The following ZNF486 variants were observed in gnomAD, a reference collection of about 807,000 sequenced individuals.
ZNF486 encodes KRAB box only protein 2.
Under a neutral mutation model 12.8 loss-of-function variants are expected in ZNF486, and 12 were observed. The observed-to-expected ratio is 0.94, with a 90% CI of 0.60 to 1.52. The LOEUF (loss-of-function observed/expected upper bound fraction) is 1.52. ZNF486 is among the 40% of genes most tolerant of loss of function. The probability of loss-of-function intolerance (pLI) is 0.00; values close to 1 mark genes in which losing one functional copy is unlikely to be tolerated. For missense variants in ZNF486, 738 were observed against 545.0 expected, an observed-to-expected ratio of 1.35 and a Z score of -3.53; for synonymous variants, 231 against 184.9, an observed-to-expected ratio of 1.25 and a Z score of -2.02.
At chr19:20,187,533 ACT>A (rs1206468238) in intron 3 of ZNF486, among the ~76,000 whole-genome samples, 11 of 123,926 alleles carry the variant, frequency 8.9e-5, no homozygotes, top group Admixed American at 5.9e-4. Context: ...AGAGAGTCTC[ACT>A]CTGTTGCCCA....
chr19:20,188,329 T>C (rs1555716786), intron 3 of ZNF486: 1 of 397,492 alleles, frequency 2.5e-6, no homozygotes, highest in African/African-American at 2.1e-5. Flanking sequence ...TTTCAGTTTT[T>C]CTTTAAAAAA....
chr19:20,198,114 TTTATTA>T lies in ZNF486; in HGVS notation c.*21_*26del, dbSNP rs782766040. On this transcript the variant is annotated 3_prime_UTR_variant, in exon 4 of 4. Transcript: ENST00000335117. ...AACCAAGAACGTGACAAAGGATTATTTTATTATTATTATTTTTTTGAGAGGTAATTC... is the reference window on the plus strand; with the variant it reads ...AACCAAGAACGTGACAAAGGATTATTTTATTATTTTTTTGAGAGGTAATTC... 2.6e-6 allele frequency: 4 copies of T among 1,526,562 alleles called. No individual in the cohort carries two copies. The highest frequency in any genetic ancestry group is 1.4e-5 in the African/African-American group (1 of 71,306). The allele number at this position is 1,526,562 out of a possible 1,614,324, so 94.6% of individuals were successfully genotyped here. A position where few individuals can be genotyped will look rare whatever the true frequency, so the allele number is the denominator to read the frequency against.
intron 3 of ZNF486, among the ~76,000 whole-genome samples, chr19:20,196,363 C>T (rs1464841895): frequency 6.6e-6 from 1 of 152,140 alleles, no homozygotes; most frequent in Non-Finnish European, 1.5e-5. Context: ...AAGTCTTGCT[C>T]TGTCGCCCAG....
chr19:20,194,161 C>G (rs2089934793), intron 3 of ZNF486, among the ~76,000 whole-genome samples: 4 of 152,042 alleles, frequency 2.6e-5, no homozygotes, highest in Admixed American at 2.6e-4. Flanking sequence ...ATGTGGATAT[C>G]TTTTCCAGAA....
At chr19:20,187,523 A>G (rs1455961759) in intron 3 of ZNF486, among the ~76,000 whole-genome samples, 7 of 84,224 alleles carry the variant, frequency 8.3e-5, no homozygotes, top group African/African-American at 2.5e-4. Flanking sequence ...TTTTTTTTTG[A>G]GAGAGTCTCA....
chr19:20,185,404 G>GTTT lies in ZNF486; in HGVS notation c.158-561_158-559dup, dbSNP rs782413355. Among the ~76,000 whole-genome samples the GTTT allele has an allele frequency of 6.6e-3, 462 of 69,632 alleles. 7 individuals carry two copies. Among genetic ancestry groups the GTTT allele is most frequent in the African/African-American group, 9.3e-3 (144 of 15,562 alleles). The allele number at this position is 69,632 out of a possible 152,430, so 45.7% of individuals were successfully genotyped here. ...AGAAAGGTTTTAAGGTATTGTTTAT[G>GTTT]TTTTTTTTTTTTTTTTTTTTTTTTG... On this transcript the variant is annotated intron_variant, in intron 2 of 3. Transcript: ENST00000335117.
intron 1 of ZNF486, among the ~76,000 whole-genome samples, chr19:20,178,912 T>TGA (rs1486877377): frequency 6.6e-6 from 1 of 152,212 alleles, no homozygotes; most frequent in Non-Finnish European, 1.5e-5. Flanking sequence ...TGAGTAGACA[T>TGA]GTTGACAAGA....
intron 3 of ZNF486, among the ~76,000 whole-genome samples, chr19:20,187,755 G>A (rs111745117): frequency 2.0e-5 from 3 of 151,756 alleles, no homozygotes; most frequent in African/African-American, 7.3e-5. Flanking sequence ...CATCCGCCTC[G>A]GCCTCCCAAA....
chr19:20,197,807 C>G lies in ZNF486; in HGVS notation c.1097C>G (p.Thr366Ser), dbSNP rs1389136141. The G allele has an allele frequency of 1.8e-5, 29 of 1,613,568 alleles. No homozygotes were observed. Among genetic ancestry groups the G allele is most frequent in the Non-Finnish European group, 2.4e-5 (28 of 1,179,924 alleles). ...GCCTTCACCCGCTCCTCACACCTTACTATGCATAAGATAATTCATACTGGA... is the reference window on the plus strand; with the variant it reads ...GCCTTCACCCGCTCCTCACACCTTAGTATGCATAAGATAATTCATACTGGA... The part of the protein sequence containing the change: ...GKAFTRSSHL[T>S]MHKIIHTGEK... Residue 366 changes from threonine (T) to serine (S), a missense_variant, in exon 4 of 4, where the codon ACT (threonine) becomes AGT (serine). Thr to Ser is a moderately conservative substitution (Grantham distance 58). Transcript: ENST00000335117.
At chr19:20,187,616 C>CT (rs1555716700) in intron 3 of ZNF486, among the ~76,000 whole-genome samples, 1 of 151,612 alleles carries the variant, frequency 6.6e-6, no homozygotes, top group East Asian at 1.9e-4. Context: ...ATTCTCCTGC[C>CT]TCAGCCTCCC....
chr19:20,178,214 C>T (rs1555715107), intron 1 of ZNF486, among the ~76,000 whole-genome samples: 1 of 151,790 alleles, frequency 6.6e-6, no homozygotes. Context: ...AGACATGAGC[C>T]ACCATGTCCA....
chr19:20,184,147 G>A (rs1219808798), intron 1 of ZNF486, among the ~76,000 whole-genome samples: 1 of 152,018 alleles, frequency 6.6e-6, no homozygotes, highest in African/African-American at 2.4e-5. Context: ...ATCATTATAT[G>A]AACTAATGTT....
intron 1 of ZNF486, among the ~76,000 whole-genome samples, chr19:20,184,098 TTCATGC>T (rs1198614028): frequency 6.6e-6 from 1 of 152,226 alleles, no homozygotes. Context: ...CATGTTCATG[TTCATGC>T]CCTTTATTTT....
At chr19:20,190,588 T>G (rs1555717046) in intron 3 of ZNF486, among the ~76,000 whole-genome samples, 1 of 152,194 alleles carries the variant, frequency 6.6e-6, no homozygotes, top group Non-Finnish European at 1.5e-5. Flanking sequence ...TCTCATTATG[T>G]TGTCCAGGCT....
chr19:20,192,429 C>T (rs1555717320), intron 3 of ZNF486, among the ~76,000 whole-genome samples: 1 of 152,108 alleles, frequency 6.6e-6, no homozygotes, highest in African/African-American at 2.4e-5. Context: ...TGTCAGCCTC[C>T]CAAGTAGCTG....
intron 1 of ZNF486, among the ~76,000 whole-genome samples, chr19:20,172,336 G>C (rs1159458897): frequency 1.3e-5 from 2 of 149,564 alleles, no homozygotes; most frequent in African/African-American, 2.5e-5. Flanking sequence ...AGAGAGTTTT[G>C]CTCTTGTTGC....
At chr19:20,183,664 T>G (rs2089810968) in intron 1 of ZNF486, among the ~76,000 whole-genome samples, 1 of 150,588 alleles carries the variant, frequency 6.6e-6, no homozygotes, top group Non-Finnish European at 1.5e-5. Context: ...CTGACAGATT[T>G]TTTTCACTAT....
chr19:20,168,932 CG>C (rs2089615037), intron 1 of ZNF486, among the ~76,000 whole-genome samples: 1 of 151,922 alleles, frequency 6.6e-6, no homozygotes, highest in Non-Finnish European at 1.5e-5. Context: ...CCTCCGCCTC[CG>C]GGGTTCAAGC....
intron 1 of ZNF486, among the ~76,000 whole-genome samples, chr19:20,179,946 ATT>A (rs1268932225): frequency 6.6e-6 from 1 of 152,208 alleles, no homozygotes; most frequent in African/African-American, 2.4e-5. Context: ...GGAGTAGAGT[ATT>A]TTTGTTTCTT....
Sources: allele counts gnomAD v4.1 joint callset (sites outside exome capture counted in the v4.1 genomes callset), GRCh38; gene constraint gnomAD v4.1.1; transcripts MANE v1.5; gene names NCBI Gene and HGNC (gene_info 2026-07-23, HGNC 2026-07-21).